FAAH2: variants seen among roughly 807,000 people sequenced by gnomAD.
FAAH2 encodes fatty-acid amide hydrolase 2.
In FAAH2, 60 loss-of-function variants were observed where a neutral mutation model predicts 36.9. The ratio of observed to expected loss-of-function variants is 1.63; its 90% CI spans 1.32 to 2.02. The LOEUF (loss-of-function observed/expected upper bound fraction) is 2.02. FAAH2 is among the 30% of genes most tolerant of loss of function. FAAH2 has a pLI of 0.00. For synonymous variants in FAAH2, 214 were observed against 143.8 expected, an observed-to-expected ratio of 1.49 and a Z score of -3.49; for missense variants, 689 against 397.5, an observed-to-expected ratio of 1.73 and a Z score of -6.23.
chrX:57,384,293 G>T (rs1459077676), intron 7 of FAAH2, among the ~76,000 whole-genome samples: 1 of 105,767 alleles, frequency 9.5e-6, no homozygotes, highest in African/African-American at 3.3e-5. Flanking sequence ...AACACCAAAA[G>T]CAATGGCAAC....
chrX:57,202,279 C>T, the FAAH2 span, among the ~76,000 whole-genome samples: 2 of 111,890 alleles, frequency 1.8e-5, no homozygotes, highest in Admixed American at 1.9e-4. Context: ...TTTTGTCCTT[C>T]TTGGAAAGGC....
the FAAH2 span, among the ~76,000 whole-genome samples, chrX:57,260,964 A>T: frequency 1.8e-5 from 2 of 111,929 alleles, no homozygotes; most frequent in African/African-American, 3.2e-5. Context: ...AATTGCTAAA[A>T]CAGTTTTAAA....
chrX:57,382,318 C>A, intron 7 of FAAH2, among the ~76,000 whole-genome samples: 1 of 111,283 alleles, frequency 9.0e-6, no homozygotes. Context: ...CAAGAAATAA[C>A]TAAGATCAGA....
the FAAH2 span, among the ~76,000 whole-genome samples, chrX:57,277,820 A>G: frequency 9.0e-6 from 1 of 111,560 alleles, no homozygotes; most frequent in Admixed American, 9.5e-5. Flanking sequence ...ACTCCCATTC[A>G]CAATTGCTAC....
At chrX:57,409,977 T>A (rs2055659746) in intron 7 of FAAH2, among the ~76,000 whole-genome samples, 1 of 111,218 alleles carries the variant, frequency 9.0e-6, no homozygotes, top group Non-Finnish European at 1.9e-5. Context: ...GTATTTTATG[T>A]GTATTCTTTC....
intron 5 of FAAH2, among the ~76,000 whole-genome samples, chrX:57,347,936 C>A (rs1189850927): frequency 9.0e-6 from 1 of 110,582 alleles, no homozygotes; most frequent in Non-Finnish European, 1.9e-5. Flanking sequence ...CAACGTGACT[C>A]TTCTGCATTT....
At chrX:57,423,882 A>T (rs755013095) in intron 7 of FAAH2, among the ~76,000 whole-genome samples, 15 of 111,770 alleles carry the variant, frequency 1.3e-4, no homozygotes, top group Non-Finnish European at 2.4e-4. Context: ...ACAAAGCTCA[A>T]GCTTGAACCC....
the FAAH2 span, among the ~76,000 whole-genome samples, chrX:57,131,588 T>C: frequency 8.9e-6 from 1 of 111,951 alleles, no homozygotes; most frequent in South Asian, 3.7e-4. Context: ...TGACTTCCAG[T>C]TGTGTCATTA....
chrX:57,207,431 G>A, the FAAH2 span, among the ~76,000 whole-genome samples: 159 of 111,782 alleles, frequency 1.4e-3, no homozygotes, highest in African/African-American at 5.1e-3. Flanking sequence ...GTCCATTCTT[G>A]TATCTACCAA....
chrX:57,327,203 A>G (rs965679044), intron 3 of FAAH2, among the ~76,000 whole-genome samples: 1 of 100,008 alleles, frequency 1.0e-5, no homozygotes, highest in African/African-American at 3.7e-5. Flanking sequence ...TTCTGCCGAG[A>G]GATCAGCTGT....
At chrX:57,284,058 G>A (rs748640438), upstream of FAAH2, among the ~76,000 whole-genome samples, 43 of 111,891 alleles carry the variant, frequency 3.8e-4, 1 homozygote, top group African/African-American at 1.2e-3. Context: ...AGCCTGATGA[G>A]AACATGAGCG....
intron 9 of FAAH2, among the ~76,000 whole-genome samples, 171 bp downstream of exon 9, chrX:57,447,210 C>T (rs113759512): frequency 1.4e-4 from 16 of 112,051 alleles, no homozygotes; most frequent in South Asian, 7.5e-4. Flanking sequence ...ATCCAGGTCA[C>T]GCTGATGCAA....
At chrX:57,351,225 C>CA (rs1364569065) in intron 5 of FAAH2, among the ~76,000 whole-genome samples, 2 of 111,220 alleles carry the variant, frequency 1.8e-5, no homozygotes, top group Non-Finnish European at 3.8e-5. Context: ...AAGAAAACAA[C>CA]ATGTTTGTGA....
chrX:57,167,389 C>T, the FAAH2 span, among the ~76,000 whole-genome samples: 1 of 111,059 alleles, frequency 9.0e-6, no homozygotes, highest in Non-Finnish European at 1.9e-5. Context: ...ATCTTACCCC[C>T]TTCCAAACAG....
rs757983567 is a variant in FAAH2, at chrX:57,404,623, A to C, written c.996+23594A>C. On this transcript the variant is annotated intron_variant, in intron 7 of 10. Coordinates refer to ENST00000374900, the MANE Select transcript of FAAH2 (RefSeq NM_174912.4). ...CCTGGGTTCATAGCCTAGGGGCCTAAGGATGCAGCATAGATCTTCCTTAGA... is the reference window on the plus strand; with the variant it reads ...CCTGGGTTCATAGCCTAGGGGCCTACGGATGCAGCATAGATCTTCCTTAGA... Among the ~76,000 whole-genome samples, 8 of 111,844 alleles carry C rather than the reference A, an allele frequency of 7.2e-5. No individual in the cohort carries two copies. The South Asian group carries it at 1.1e-3, about 16-fold the overall frequency.
At chrX:57,350,016 C>A (rs907867780) in intron 5 of FAAH2, among the ~76,000 whole-genome samples, 1 of 110,526 alleles carries the variant, frequency 9.0e-6, no homozygotes, top group African/African-American at 3.3e-5. Context: ...AGAAAGTCAT[C>A]TATTTACCTA....
chrX:57,387,193 G>A (rs2055046207), intron 7 of FAAH2, among the ~76,000 whole-genome samples: 1 of 110,399 alleles, frequency 9.1e-6, no homozygotes, highest in South Asian at 3.8e-4. Context: ...TGAAATCCAG[G>A]GCAATCTCTT....
intron 2 of FAAH2, among the ~76,000 whole-genome samples, chrX:57,295,117 T>G (rs189590229): frequency 2.0e-4 from 22 of 111,758 alleles, no homozygotes; most frequent in Admixed American, 4.7e-4. Flanking sequence ...GCCTGGCTGC[T>G]GCTTCTACCT....
intron 5 of FAAH2, among the ~76,000 whole-genome samples, chrX:57,374,007 T>C (rs777205133): frequency 9.0e-6 from 1 of 111,520 alleles, no homozygotes; most frequent in Non-Finnish European, 1.9e-5. Context: ...TTTGTTTGCT[T>C]TGTCAAAGAT....
Sources: allele counts gnomAD v4.1 joint callset (sites outside exome capture counted in the v4.1 genomes callset), GRCh38; gene constraint gnomAD v4.1.1; transcripts MANE v1.5; gene names NCBI Gene and HGNC (gene_info 2026-07-23, HGNC 2026-07-21).